Variants in PCDHGB4 observed in about 807,000 individuals in gnomAD.
The protein encoded by PCDHGB4 is protocadherin gamma subfamily B, 4.
PCDHGB4 carries 38 observed loss-of-function variants against 60.5 expected under a neutral mutation model. The observed-to-expected ratio is 0.63, with a 90% confidence interval of 0.48 to 0.82. The LOEUF is 0.82. Among genes scored for constraint, PCDHGB4 ranks in the 40% least tolerant of loss-of-function variants. The pLI, the probability that PCDHGB4 is intolerant of heterozygous loss-of-function variation, is 0.00. For missense variants in PCDHGB4, 1,109 were observed against 1,209.6 expected (o/e 0.92, Z 1.23); for synonymous variants, 456 against 509.7 (o/e 0.89, Z 1.42).
At chr5:141,445,938 G>A (rs2098482293) in intron 1 of PCDHGB4, among the ~76,000 whole-genome samples, 1 of 152,196 alleles carries the variant, frequency 6.6e-6, no homozygotes, top group Non-Finnish European at 1.5e-5. Flanking sequence ...GAATTATTAA[G>A]CTTACTCTGG....
chr5:141,431,333 C>G lies in PCDHGB4; in HGVS notation c.2397+41052C>G. 1.2e-6 allele frequency: 2 copies of G among 1,614,058 alleles called. No individual in the cohort carries two copies. The highest frequency in any genetic ancestry group is 2.2e-5 in the South Asian group (2 of 91,088). Reference sequence around the variant, plus strand: ...AAATGGAGCCGACGGTAGTAAGTACCCCGAATTGGTGCTGAAACGCGCCCT... The same window carrying G: ...AAATGGAGCCGACGGTAGTAAGTACGCCGAATTGGTGCTGAAACGCGCCCT... On this transcript the variant is annotated intron_variant, in intron 1 of 3. Coordinates refer to ENST00000519479, the MANE Select transcript of PCDHGB4 (RefSeq NM_003736.4). The surrounding 1 kb of genome is among the most constrained non-coding windows in gnomAD (Gnocchi z 4.8).
chr5:141,410,549 G>T, intron 1 of PCDHGB4: 1 of 1,613,438 alleles, frequency 6.2e-7, no homozygotes, highest in East Asian at 2.2e-5. Context: ...GGTTTGCAGT[G>T]TTTCTCCTGG....
At chr5:141,452,193 G>A (rs764434048) in intron 1 of PCDHGB4, among the ~76,000 whole-genome samples, 3 of 151,990 alleles carry the variant, frequency 2.0e-5, no homozygotes, top group Admixed American at 6.6e-5. Context: ...ACCTCAAATT[G>A]TTTTAGATGT....
At position 141,464,036 on chromosome 5, in the gene PCDHGB4, G is replaced by A. The variant is rs907276618; in HGVS notation, c.2398-30771G>A. On this transcript the variant is annotated intron_variant, in intron 1 of 3. Coordinates refer to ENST00000519479, the MANE Select transcript of PCDHGB4 (RefSeq NM_003736.4). ...ATCCCACACTTTGGGAGGCCAAGGC[G>A]GGTGGATCACCTGAGGTCAGGAGTT... Among the ~76,000 whole-genome samples the A allele has an allele frequency of 2.6e-5, 4 of 152,096 alleles. No individual in the cohort carries two copies. The East Asian group carries it at 5.8e-4, about 22-fold the overall frequency.
intron 1 of PCDHGB4, chr5:141,430,974 C>G: frequency 6.2e-7 from 1 of 1,613,072 alleles, no homozygotes; most frequent in East Asian, 2.2e-5. Flanking sequence ...AGAGGTAGGA[C>G]GCAGCTTTTC....
intron 1 of PCDHGB4, chr5:141,422,052 C>T: frequency 6.2e-7 from 1 of 1,611,298 alleles, no homozygotes; most frequent in Non-Finnish European, 8.5e-7. Flanking sequence ...AGGGAATCAA[C>T]GGGGAAGTAA....
At chr5:141,409,516 C>T (rs1303826331) in intron 1 of PCDHGB4, 6 of 1,614,006 alleles carry the variant, frequency 3.7e-6, no homozygotes, top group South Asian at 1.1e-5. Context: ...GTAGAAGCAT[C>T]ACCTTGTATG....
At chr5:141,408,527 G>A in intron 1 of PCDHGB4, 1 of 1,614,072 alleles carries the variant, frequency 6.2e-7, no homozygotes, top group South Asian at 1.1e-5. Flanking sequence ...ATTGGAAGCT[G>A]TGGTGGAAAA....
rs776349562 is a variant in PCDHGB4 at position 141,491,131 on chromosome 5, G to T, written c.2398-3676G>T. The T allele has an allele frequency of 6.2e-7, 1 of 1,614,182 alleles. No individual in the cohort carries two copies. Among genetic ancestry groups the T allele is most frequent in the Non-Finnish European group, 8.5e-7 (1 of 1,180,008 alleles). On this transcript the variant is annotated intron_variant, in intron 1 of 3. Coordinates refer to ENST00000519479, the MANE Select transcript of PCDHGB4 (RefSeq NM_003736.4). This position sits in a 1 kb window ranked among gnomAD's most constrained non-coding sequence, Gnocchi z 6.9. ...TACACACACTGGTGAGGTGCGCACA[G>T]CCCGGGCCTTACTGGAGGATGACTC...
chr5:141,476,046 C>T lies in PCDHGB4; in HGVS notation c.2398-18761C>T. 6.7e-7 allele frequency: 1 copy of T among 1,491,396 alleles called. No individual in the cohort carries two copies. Among genetic ancestry groups the T allele is most frequent in the Non-Finnish European group, 8.9e-7 (1 of 1,122,928 alleles). 92.4% of individuals were successfully genotyped at this position (1,491,396 alleles called of 1,614,324 possible). On this transcript the variant is annotated intron_variant, in intron 1 of 3. Coordinates refer to ENST00000519479, the MANE Select transcript of PCDHGB4 (RefSeq NM_003736.4). This position sits in a 1 kb window ranked among gnomAD's most constrained non-coding sequence, Gnocchi z 7.6. ...CGGCGCCCAGCGCCCAAGCGCTAAC[C>T]CGCTGAAAGTTTCTCAGCGAAATCT...
intron 1 of PCDHGB4, chr5:141,414,320 A>G: frequency 1.9e-6 from 3 of 1,613,840 alleles, no homozygotes; most frequent in Middle Eastern, 1.6e-4. Flanking sequence ...GACTCTGAGC[A>G]GAATGGACAG....
rs903741318 is a variant in PCDHGB4, at chr5:141,454,939, C to G, written c.2398-39868C>G. On this transcript the variant is annotated intron_variant, in intron 1 of 3. Coordinates refer to ENST00000519479, the MANE Select transcript of PCDHGB4 (RefSeq NM_003736.4). ...TCTCCTGCCTCAGCCTCCCGAGTAG[C>G]TGGGACTACAGGCGCCGGCCACCAC... 6.0e-5 allele frequency among the ~76,000 whole-genome samples: 9 copies of G among 150,982 alleles called. No homozygotes were observed. The East Asian group carries it at 1.8e-3, about 30-fold the overall frequency.
At chr5:141,505,666 G>T (rs904221281) in intron 3 of PCDHGB4, among the ~76,000 whole-genome samples, 185 bp downstream of exon 3, 3 of 152,180 alleles carry the variant, frequency 2.0e-5, no homozygotes, top group Non-Finnish European at 4.4e-5. Context: ...ACAGCAGAGG[G>T]GTTGGGGGTC....
intron 1 of PCDHGB4, chr5:141,419,944 C>T (rs1375807568): frequency 6.2e-7 from 1 of 1,614,066 alleles, no homozygotes; most frequent in South Asian, 1.1e-5. Flanking sequence ...TGGTGGTGGC[C>T]TTGGCCTTGA....
intron 2 of PCDHGB4, among the ~76,000 whole-genome samples, chr5:141,497,290 C>A (rs182104163): frequency 4.7e-4 from 72 of 152,184 alleles, no homozygotes; most frequent in Middle Eastern, 3.4e-3. Flanking sequence ...CTCTACCTAC[C>A]ACCACCCCAG....
At chr5:141,409,262 G>A (rs768196825) in intron 1 of PCDHGB4, 2 of 1,613,834 alleles carry the variant, frequency 1.2e-6, no homozygotes, top group African/African-American at 2.7e-5. Flanking sequence ...TTCTCTCTCT[G>A]ATCAGATTTT....
chr5:141,470,100 G>A (rs1259251144), intron 1 of PCDHGB4, among the ~76,000 whole-genome samples: 2 of 152,178 alleles, frequency 1.3e-5, no homozygotes, highest in African/African-American at 4.8e-5. Context: ...CTACATTCCA[G>A]TCTGAGCAAC....
At chr5:141,430,767 C>T in intron 1 of PCDHGB4, 1 of 1,506,782 alleles carries the variant, frequency 6.6e-7, no homozygotes, top group Non-Finnish European at 8.9e-7. Flanking sequence ...AGAATGATTC[C>T]TGCGCGACTG....
Position 141,387,801 on chromosome 5 carries a change from C to A in PCDHGB4, c.-84C>A. On this transcript the variant is annotated 5_prime_UTR_variant, in exon 1 of 4. Coordinates refer to ENST00000519479, the MANE Select transcript of PCDHGB4 (RefSeq NM_003736.4). ...ACTGGAACTGCAACTAAAGTCCGTTCGGAGATCCAAAAATCTGCAATACAG... is the reference window on the plus strand; with the variant it reads ...ACTGGAACTGCAACTAAAGTCCGTTAGGAGATCCAAAAATCTGCAATACAG... 1 of 1,509,314 alleles carries A rather than the reference C, an allele frequency of 6.6e-7. No homozygotes were observed. The highest frequency in any genetic ancestry group is 8.9e-7 in the Non-Finnish European group (1 of 1,128,164). The allele number at this position is 1,509,314 out of a possible 1,614,324, so 93.5% of individuals were successfully genotyped here. A position where few individuals can be genotyped will look rare whatever the true frequency, so the allele number is the denominator to read the frequency against.
Sources: allele counts gnomAD v4.1 joint callset (sites outside exome capture counted in the v4.1 genomes callset), GRCh38; gene constraint gnomAD v4.1.1; non-coding constraint Gnocchi (gnomAD v3.1); transcripts MANE v1.5; gene names NCBI Gene and HGNC (gene_info 2026-07-23, HGNC 2026-07-21).